HTR2A: variants seen among roughly 807,000 people sequenced by gnomAD.
HTR2A encodes the protein 5-hydroxytryptamine receptor 2A.
A neutral mutation model predicts 31.0 loss-of-function variants in HTR2A; 14 were observed. The ratio of observed to expected loss-of-function variants is 0.45; its 90% CI spans 0.30 to 0.71. The LOEUF is 0.71. Ranked by LOEUF, HTR2A falls within the 30% of genes least tolerant of loss-of-function variation. The pLI is 0.09. For synonymous variants in HTR2A, 209 were observed against 225.2 expected (o/e 0.93, Z 0.64); for missense variants, 442 against 573.3 (o/e 0.77, Z 2.34).
chr13:46,833,181 C>T lies in HTR2A; in HGVS notation c.*1656G>A, dbSNP rs1876308869. ...AAGCCTCAAGTGATATTTTCCCCCT[C>T]CTTTATTTGTTTGGTGTTTATTGGT... On this transcript the variant is annotated 3_prime_UTR_variant, in exon 4 of 4. Coordinates refer to ENST00000542664, the MANE Select transcript of HTR2A (RefSeq NM_000621.5). The T allele has an allele frequency of 6.6e-6, 1 of 152,066 alleles. No individual in the cohort carries two copies. Among genetic ancestry groups the T allele is most frequent in the African/African-American group, 2.4e-5 (1 of 41,384 alleles). The allele number at this position is 152,066 out of a possible 1,614,324, so 9.4% of individuals were successfully genotyped here.
intron 3 of HTR2A, among the ~76,000 whole-genome samples, chr13:46,886,689 C>A (rs943467355): frequency 1.3e-5 from 2 of 152,072 alleles, no homozygotes; most frequent in African/African-American, 4.8e-5. Flanking sequence ...ACCAAGGTAG[C>A]CAGGATGTTA....
At chr13:46,842,604 T>TA (rs1006020118) in intron 3 of HTR2A, among the ~76,000 whole-genome samples, 10 of 152,306 alleles carry the variant, frequency 6.6e-5, no homozygotes, top group African/African-American at 2.4e-4. Context: ...ATAGTGTCCC[T>TA]AACACTCGAG....
At chr13:46,871,171 C>T (rs1022189150) in intron 3 of HTR2A, among the ~76,000 whole-genome samples, 3 of 152,190 alleles carry the variant, frequency 2.0e-5, no homozygotes, top group Non-Finnish European at 4.4e-5. Flanking sequence ...ACTGAATTAA[C>T]TGAACCCATT....
intron 3 of HTR2A, among the ~76,000 whole-genome samples, chr13:46,872,751 T>C (rs542312749): frequency 1.1e-4 from 17 of 152,158 alleles, no homozygotes; most frequent in Non-Finnish European, 1.9e-4. Flanking sequence ...AATTCATGAG[T>C]AGATGTTAAA....
At chr13:46,875,607 C>T (rs1335518203) in intron 3 of HTR2A, among the ~76,000 whole-genome samples, 4 of 152,104 alleles carry the variant, frequency 2.6e-5, no homozygotes, top group African/African-American at 4.8e-5. Flanking sequence ...ATTATAGACC[C>T]TTAAACAGGG....
chr13:46,851,629 G>C (rs1950685543), intron 3 of HTR2A, among the ~76,000 whole-genome samples: 1 of 152,186 alleles, frequency 6.6e-6, no homozygotes, highest in African/African-American at 2.4e-5. Flanking sequence ...CTGGGAGAGA[G>C]ACTCTCCTTT....
At chr13:46,868,585 T>C (rs550176523) in intron 3 of HTR2A, among the ~76,000 whole-genome samples, 2 of 152,330 alleles carry the variant, frequency 1.3e-5, no homozygotes, top group Admixed American at 6.5e-5. Flanking sequence ...CTATTAAATA[T>C]AGTTCTTTGA....
chr13:46,872,689 T>C (rs2138228848), intron 3 of HTR2A, among the ~76,000 whole-genome samples: 1 of 152,280 alleles, frequency 6.6e-6, no homozygotes, highest in South Asian at 2.1e-4. Context: ...TTTAATACCT[T>C]GCATCTCTAT....
At chr13:46,844,148 A>C (rs1441104305) in intron 3 of HTR2A, among the ~76,000 whole-genome samples, 2 of 152,250 alleles carry the variant, frequency 1.3e-5, no homozygotes, top group African/African-American at 4.8e-5. Flanking sequence ...ATGAGATGAC[A>C]ATCTCATTAA....
chr13:46,834,926 A>C lies in HTR2A; in HGVS notation c.1327T>G (p.Cys443Gly), dbSNP rs779600920. The change falls in exon 4 of 4, where the codon TGC becomes GGC. Residue 443 changes from cysteine to glycine, a missense_variant. Coordinates refer to ENST00000542664, the MANE Select transcript of HTR2A (RefSeq NM_000621.5). The stretch of plus-strand genomic sequence containing the variant: ...TGCTTTCCTAGAGCAACCATTGAGC[A>C]GTCATTATCTGTTGTCTTGGCATCT... ...KQDAKTTDND[C>G]SMVALGKQHS... 1.9e-6 allele frequency: 3 copies of C among 1,614,114 alleles called. No homozygotes were observed. The highest frequency in any genetic ancestry group is 2.2e-5 in the East Asian group (1 of 44,880).
intron 3 of HTR2A, among the ~76,000 whole-genome samples, chr13:46,848,658 TTAA>T (rs1435266855): frequency 1.3e-5 from 2 of 152,238 alleles, no homozygotes; most frequent in African/African-American, 4.8e-5. Context: ...GGCCTTATAC[TTAA>T]TAAATGCACA....
At chr13:46,863,253 T>C (rs2138216555) in intron 3 of HTR2A, among the ~76,000 whole-genome samples, 1 of 152,292 alleles carries the variant, frequency 6.6e-6, no homozygotes, top group South Asian at 2.1e-4. Flanking sequence ...GAATGCAGTT[T>C]GATAGCTCTG....
At chr13:46,894,815 AC>A (rs1951088679) in intron 2 of HTR2A, among the ~76,000 whole-genome samples, 1 of 151,942 alleles carries the variant, frequency 6.6e-6, no homozygotes, top group Non-Finnish European at 1.5e-5. Context: ...TTTGTTTCCC[AC>A]CCTCCTCCAA....
chr13:46,849,951 C>A (rs1315948863), intron 3 of HTR2A, among the ~76,000 whole-genome samples: 1 of 152,116 alleles, frequency 6.6e-6, no homozygotes, highest in Non-Finnish European at 1.5e-5. Flanking sequence ...GAAGCAAATG[C>A]AGAGGCCTTT....
chr13:46,870,029 T>C (rs1321418829), intron 3 of HTR2A, among the ~76,000 whole-genome samples: 1 of 152,174 alleles, frequency 6.6e-6, no homozygotes, highest in Non-Finnish European at 1.5e-5. Flanking sequence ...TCATTACACT[T>C]AGAAATGGTT....
chr13:46,863,454 C>A (rs1194460181), intron 3 of HTR2A, among the ~76,000 whole-genome samples: 1 of 150,774 alleles, frequency 6.6e-6, no homozygotes, highest in Non-Finnish European at 1.5e-5. Flanking sequence ...AGCGCCTCAT[C>A]TCTACAAAAA....
intron 3 of HTR2A, among the ~76,000 whole-genome samples, chr13:46,870,036 G>C (rs774558296): frequency 6.6e-6 from 1 of 152,040 alleles, no homozygotes; most frequent in Non-Finnish European, 1.5e-5. Context: ...ACTTAGAAAT[G>C]GTTAAAATGG....
At chr13:46,890,032 A>G (rs1428191317) in intron 3 of HTR2A, among the ~76,000 whole-genome samples, 34 of 152,214 alleles carry the variant, frequency 2.2e-4, no homozygotes, top group Admixed American at 2.2e-3. Context: ...TGCCAAACAC[A>G]TAGTAGATGC....
rs1780572518 is a variant in HTR2A at position 46,896,802 on chromosome 13, G to A, written c.-457C>T. ...CACCAGCATAATATGATAGTAATTT[G>A]GTTTCTGTTTTGCTGACTTCAAAAA... On this transcript the variant is annotated 5_prime_UTR_variant, in exon 1 of 4. Coordinates refer to ENST00000542664, the MANE Select transcript of HTR2A (RefSeq NM_000621.5). 2 of 1,536,782 alleles carry A rather than the reference G, an allele frequency of 1.3e-6. No individual in the cohort carries two copies. The highest frequency in any genetic ancestry group is 1.7e-6 in the Non-Finnish European group (2 of 1,146,766).
Sources: gnomAD v4.1 joint callset for allele counts (sites outside exome capture counted in the v4.1 genomes callset) on GRCh38, gnomAD v4.1.1 for gene constraint, MANE v1.5 for transcripts, NCBI Gene and HGNC (gene_info 2026-07-23, HGNC 2026-07-21) for gene names.